The following SGPL1 variants were observed in gnomAD, a reference collection of about 807,000 sequenced individuals.
SGPL1 encodes sphingosine-1-phosphate lyase 1.
Under a neutral mutation model 68.9 loss-of-function variants are expected in SGPL1, and 37 were observed. That is an observed-to-expected ratio of 0.54 (90% CI 0.41 to 0.71). The LOEUF (loss-of-function observed/expected upper bound fraction) is 0.71, where lower values mean the gene tolerates loss of function less well. Ranked by LOEUF, SGPL1 falls within the 30% of genes least tolerant of loss-of-function variation. The pLI is 0.00. For missense variants in SGPL1, 551 were observed against 704.6 expected, an observed-to-expected ratio of 0.78 and a Z score of 2.47; for synonymous variants, 236 against 248.5, an observed-to-expected ratio of 0.95 and a Z score of 0.47.
At chr10:70,856,588 A>G (rs1416424373) in intron 5 of SGPL1, among the ~76,000 whole-genome samples, 1 of 152,254 alleles carries the variant, frequency 6.6e-6, no homozygotes, top group Non-Finnish European at 1.5e-5. Flanking sequence ...GAAGCTGTGT[A>G]TAGTACAGAG....
Position 70,844,559 on chromosome 10 carries a change from G to T in SGPL1, c.114G>T (p.Glu38Asp), listed in dbSNP as rs1589457209. Residue 38 changes from glutamate (E) to aspartate (D), a missense_variant, in exon 3 of 15, where the codon GAG becomes GAT. Glu to Asp is a conservative substitution (Grantham distance 45). Transcript: ENST00000373202. ...NYVNGHCTKYEPWQLIAWSVV... is the reference protein window; with the variant it reads ...NYVNGHCTKYDPWQLIAWSVV... ...TAAATGGACATTGCACCAAGTATGA[G>T]CCCTGGCAGCTAATTGCATGGAGTG... 6.2e-7 allele frequency: 1 copy of T among 1,614,158 alleles called. No homozygotes were observed. Among genetic ancestry groups the T allele is most frequent in the South Asian group, 1.1e-5 (1 of 91,078 alleles).
chr10:70,850,480 A>G (rs1303402805), intron 3 of SGPL1, among the ~76,000 whole-genome samples: 1 of 152,224 alleles, frequency 6.6e-6, no homozygotes, highest in East Asian at 1.9e-4. Flanking sequence ...TAGGAAGGTC[A>G]AGAATTCTGG....
chr10:70,877,658 T>C lies in SGPL1; in HGVS notation c.*323T>C. ...TAAACATTGTGTGGTAGCTCTGACCTGTCCTGATTCTTTAGAGAAGCTGGG... is the reference window on the plus strand; with the variant it reads ...TAAACATTGTGTGGTAGCTCTGACCCGTCCTGATTCTTTAGAGAAGCTGGG... On this transcript the variant is annotated 3_prime_UTR_variant, in exon 15 of 15. Transcript: ENST00000373202. The C allele has an allele frequency of 8.1e-6, 2 of 246,726 alleles. No individual in the cohort carries two copies. Among genetic ancestry groups the C allele is most frequent in the South Asian group, 1.9e-4 (2 of 10,414 alleles). The allele number at this position is 246,726 out of a possible 1,614,324, so 15.3% of individuals were successfully genotyped here.
Position 70,876,693 on chromosome 10 carries a change from T to G in SGPL1, c.1566+32T>G, listed in dbSNP as rs923177. 0.75 allele frequency: 1,199,636 copies of G among 1,594,048 alleles called. 452,927 individuals are homozygous for G. Among genetic ancestry groups the G allele is most frequent in the South Asian group, 0.85 (75,178 of 88,154 alleles). ...ACACTTGGAGTTTTTTTTCTTCTCT[T>G]GGAAATTTAGGTGTTGGTGGAGAGT... On this transcript the variant is annotated intron_variant, in intron 14 of 14. Transcript: ENST00000373202.
intron 2 of SGPL1, among the ~76,000 whole-genome samples, chr10:70,826,572 T>C (rs1308574042): frequency 2.6e-5 from 4 of 152,218 alleles, no homozygotes; most frequent in African/African-American, 7.2e-5. Context: ...TAATGAACAA[T>C]AATAAAACAA....
At position 70,852,719 on chromosome 10, in the gene SGPL1, T is replaced by C. The variant is rs186016908; in HGVS notation, c.261+1509T>C. Among the ~76,000 whole-genome samples the C allele has an allele frequency of 4.4e-3, 663 of 151,448 alleles. 3 individuals are homozygous for C. The highest frequency in any genetic ancestry group is 6.9e-3 in the Admixed American group (105 of 15,126). On this transcript the variant is annotated intron_variant, in intron 4 of 14. Coordinates refer to ENST00000373202, the MANE Select transcript of SGPL1 (RefSeq NM_003901.4). ...TTACATGTGTGTATGTGTGTGTGTG[T>C]GTGTGTGTGCGCGCGCACGCGTGTG...
chr10:70,871,304 A>T (rs1215318791), intron 10 of SGPL1, among the ~76,000 whole-genome samples, 158 bp downstream of exon 10: 1 of 152,228 alleles, frequency 6.6e-6, no homozygotes, highest in African/African-American at 2.4e-5. Context: ...CCTGCAGCTC[A>T]GTTGCAAGCC....
chr10:70,836,547 C>A (rs1316305573), intron 2 of SGPL1, among the ~76,000 whole-genome samples: 5 of 152,032 alleles, frequency 3.3e-5, no homozygotes, highest in African/African-American at 9.7e-5. Context: ...CCTTCCCTCT[C>A]CCTCTCCTCC....
At chr10:70,821,633 A>T (rs954766703) in intron 2 of SGPL1, among the ~76,000 whole-genome samples, 2 of 152,166 alleles carry the variant, frequency 1.3e-5, no homozygotes, top group African/African-American at 2.4e-5. Context: ...GAGGCTAGGG[A>T]TGCAACCAAA....
chr10:70,867,091 A>G (rs1846205271), intron 7 of SGPL1, among the ~76,000 whole-genome samples: 2 of 152,220 alleles, frequency 1.3e-5, no homozygotes, highest in South Asian at 2.1e-4. Flanking sequence ...AAACCTTTCA[A>G]AGATTGTATG....
At chr10:70,860,572 A>G in intron 7 of SGPL1, 2 of 398,804 alleles carry the variant, frequency 5.0e-6, no homozygotes, top group South Asian at 3.9e-5. Context: ...ACTGAGGTGA[A>G]CAGGGTGACT....
chr10:70,861,816 C>A (rs1846062506), intron 7 of SGPL1, among the ~76,000 whole-genome samples: 1 of 152,208 alleles, frequency 6.6e-6, no homozygotes, highest in African/African-American at 2.4e-5. Context: ...TTCTAGGTCC[C>A]CCAGTAGTGC....
At chr10:70,821,313 G>A (rs185127948) in intron 2 of SGPL1, among the ~76,000 whole-genome samples, 411 of 152,174 alleles carry the variant, frequency 2.7e-3, no homozygotes, top group African/African-American at 9.5e-3. Context: ...GCTAGAGGGT[G>A]GTATCACTTT....
Position 70,871,031 on chromosome 10 carries a change from A to T in SGPL1, c.811-17A>T. 6.3e-7 allele frequency: 1 copy of T among 1,598,910 alleles called. No individual in the cohort carries two copies. Among genetic ancestry groups the T allele is most frequent in the African/African-American group, 1.3e-5 (1 of 74,684 alleles). ...GTGACATAGATTCTCATTTTCCTTTAAACTTTAAATCCCTAGGCAATGAGA... is the reference window on the plus strand; with the variant it reads ...GTGACATAGATTCTCATTTTCCTTTTAACTTTAAATCCCTAGGCAATGAGA... On this transcript the variant is annotated splice_polypyrimidine_tract_variant and intron_variant, in intron 9 of 14. Transcript: ENST00000373202.
intron 3 of SGPL1, among the ~76,000 whole-genome samples, chr10:70,850,420 G>T (rs1012050546): frequency 2.0e-5 from 3 of 152,170 alleles, no homozygotes; most frequent in African/African-American, 7.2e-5. Flanking sequence ...AAAACAGGCT[G>T]CCCATTAGTC....
chr10:70,821,261 C>T lies in SGPL1; in HGVS notation c.27+4381C>T, dbSNP rs73282262. On this transcript the variant is annotated intron_variant, in intron 2 of 14. Coordinates refer to ENST00000373202, the MANE Select transcript of SGPL1 (RefSeq NM_003901.4). ...GACAGCTTTGTAGCAGCCTTTCTCC[C>T]CCTTGGCAACCATTCTTTTTATTCA... is the stretch of plus-strand genomic sequence containing the variant. Among the ~76,000 whole-genome samples, 1,414 of 152,236 alleles carry T rather than the reference C, an allele frequency of 9.3e-3. 18 individuals are homozygous for T. The highest frequency in any genetic ancestry group is 0.032 in the African/African-American group (1,312 of 41,536).
rs1360724011 is a variant in SGPL1 at position 70,815,985 on chromosome 10, C to G, written c.-185C>G. The G allele has an allele frequency of 6.6e-6, 1 of 151,330 alleles. No homozygotes were observed. The highest frequency in any genetic ancestry group is 1.5e-5 in the Non-Finnish European group (1 of 67,850). The allele number at this position is 151,330 out of a possible 1,614,324, so 9.4% of individuals were successfully genotyped here. On this transcript the variant is annotated 5_prime_UTR_variant, in exon 1 of 15. Transcript: ENST00000373202. The stretch of plus-strand genomic sequence containing the variant: ...GGCGAGGCCGGCGGCTGCCGGGCCT[C>G]CAATCTCGGCGGCGGCGGCGGCAAC...
chr10:70,844,810 G>A (rs1211887870), intron 3 of SGPL1, among the ~76,000 whole-genome samples, 172 bp downstream of exon 3: 1 of 152,274 alleles, frequency 6.6e-6, no homozygotes, highest in Middle Eastern at 3.4e-3. Flanking sequence ...CCTGATCTTG[G>A]CTCACTGCAA....
intron 10 of SGPL1, among the ~76,000 whole-genome samples, chr10:70,871,564 A>G (rs1846297285): frequency 6.6e-6 from 1 of 152,090 alleles, no homozygotes; most frequent in Non-Finnish European, 1.5e-5. Context: ...TCAGAGCTCT[A>G]CTCATTTCCT....
Sources: gnomAD v4.1 joint callset for allele counts (sites outside exome capture counted in the v4.1 genomes callset) on GRCh38, gnomAD v4.1.1 for gene constraint, MANE v1.5 for transcripts, NCBI Gene and HGNC (gene_info 2026-07-23, HGNC 2026-07-21) for gene names.